RAPGEF2: variants seen among roughly 807,000 people sequenced by gnomAD.
RAPGEF2 encodes PDZ domain containing guanine nucleotide exchange factor (GEF) 1.
Under a neutral mutation model 186.7 loss-of-function variants are expected in RAPGEF2, and 54 were observed. The observed-to-expected ratio is 0.29, with a 90% confidence interval of 0.23 to 0.36. RAPGEF2 has a LOEUF of 0.36. Ranked by LOEUF, RAPGEF2 falls within the 10% of genes least tolerant of loss-of-function variation. The pLI is 1.00. For synonymous variants in RAPGEF2, 712 were observed against 705.9 expected, an observed-to-expected ratio of 1.01 and a Z score of -0.14; for missense variants, 1,532 against 2,045.0, an observed-to-expected ratio of 0.75 and a Z score of 4.84.
At chr4:159,211,864 T>TAC (rs1750566209) in intron 4 of RAPGEF2, among the ~76,000 whole-genome samples, 1 of 152,178 alleles carries the variant, frequency 6.6e-6, no homozygotes, top group South Asian at 2.1e-4. Flanking sequence ...GTTTCTGTAG[T>TAC]AGCAATAGTC....
At chr4:159,121,759 G>A (rs983303577) in intron 1 of RAPGEF2, among the ~76,000 whole-genome samples, 1 of 151,860 alleles carries the variant, frequency 6.6e-6, no homozygotes, top group African/African-American at 2.4e-5. Context: ...AGCCGGGCTC[G>A]GTGGCTCATG....
At chr4:159,117,115 T>TAGA (rs1394348372) in intron 1 of RAPGEF2, among the ~76,000 whole-genome samples, 1 of 152,236 alleles carries the variant, frequency 6.6e-6, no homozygotes, top group Non-Finnish European at 1.5e-5. Context: ...TCTAAATGAC[T>TAGA]AGAAATGAGT....
chr4:159,355,746 A>G, intron 28 of RAPGEF2, 107 bp from the exon 29 acceptor site: 1 of 1,089,276 alleles, frequency 9.2e-7, no homozygotes, highest in South Asian at 1.6e-5. Flanking sequence ...GCAAATGCAC[A>G]TCTGCTGCTA....
chr4:159,349,955 A>T (rs1376441583), intron 25 of RAPGEF2, among the ~76,000 whole-genome samples, 182 bp from the exon 26 acceptor site: 1 of 152,116 alleles, frequency 6.6e-6, no homozygotes, highest in Non-Finnish European at 1.5e-5. Flanking sequence ...CGGGTATCTC[A>T]TGACTTCTGT....
At chr4:159,178,401 A>G (rs1746662563) in intron 1 of RAPGEF2, among the ~76,000 whole-genome samples, 1 of 152,144 alleles carries the variant, frequency 6.6e-6, no homozygotes, top group Admixed American at 6.5e-5. Context: ...TGATGCTGCA[A>G]ACAAATGAAA....
intron 7 of RAPGEF2, among the ~76,000 whole-genome samples, chr4:159,301,233 G>A (rs1579839454): frequency 6.6e-6 from 1 of 152,042 alleles, no homozygotes; most frequent in East Asian, 1.9e-4. Flanking sequence ...ATTAGCCGGG[G>A]TCGTGGGCGC....
At chr4:159,145,479 T>G (rs1742853289) in intron 1 of RAPGEF2, among the ~76,000 whole-genome samples, 1 of 152,118 alleles carries the variant, frequency 6.6e-6, no homozygotes, top group African/African-American at 2.4e-5. Context: ...CCAAAAACAT[T>G]GCCAAAACAT....
At chr4:159,249,285 CTTT>C (rs34205767) in intron 7 of RAPGEF2, among the ~76,000 whole-genome samples, 25 of 123,236 alleles carry the variant, frequency 2.0e-4, no homozygotes, top group Admixed American at 4.1e-4. Context: ...AAAAAAGTCT[CTTT>C]TTTTTTTTTT....
chr4:159,345,230 G>T lies in RAPGEF2; in HGVS notation c.3403G>T (p.Ala1135Ser). The change falls in exon 24 of 30, where the codon GCT becomes TCT. Residue 1135 changes from alanine to serine, a missense_variant. Physicochemically the swap from Ala to Ser is moderately conservative, Grantham distance 99. This residue lies in a region of RAPGEF2 where 117 missense variants were observed against 180.8 expected (regional missense o/e 0.65). Transcript: ENST00000691494. ...AKKLYEDAQM[A>S]RKVKQYLSNL... ...AAAGCTTTATGAAGATGCCCAAATGGCTCGAAAAGTGAAGCAGTACCTTTC... is the reference window on the plus strand; with the variant it reads ...AAAGCTTTATGAAGATGCCCAAATGTCTCGAAAAGTGAAGCAGTACCTTTC... 6.2e-7 allele frequency: 1 copy of T among 1,614,160 alleles called. No individual in the cohort carries two copies. Among genetic ancestry groups the T allele is most frequent in the South Asian group, 1.1e-5 (1 of 91,076 alleles).
At chr4:159,123,990 G>T (rs1211893491) in intron 1 of RAPGEF2, among the ~76,000 whole-genome samples, 5 of 151,916 alleles carry the variant, frequency 3.3e-5, no homozygotes, top group Non-Finnish European at 7.4e-5. Flanking sequence ...CAGGTTGCTG[G>T]AATTACAGGC....
intron 3 of RAPGEF2, among the ~76,000 whole-genome samples, chr4:159,198,797 G>A (rs553193626): frequency 6.6e-6 from 1 of 152,008 alleles, no homozygotes; most frequent in Admixed American, 6.6e-5. Context: ...GTATTTTTCT[G>A]TCCTAATTTT....
intron 1 of RAPGEF2, among the ~76,000 whole-genome samples, chr4:159,129,125 G>A (rs1182456405): frequency 6.6e-6 from 1 of 151,640 alleles, no homozygotes; most frequent in East Asian, 2.0e-4. Flanking sequence ...GCAGAAACTT[G>A]CATAGAAATG....
chr4:159,151,544 A>G (rs1743530906), intron 1 of RAPGEF2, among the ~76,000 whole-genome samples: 2 of 152,246 alleles, frequency 1.3e-5, no homozygotes, highest in Admixed American at 6.5e-5. Flanking sequence ...TGGTCTGTGG[A>G]CAATGAATCG....
intron 7 of RAPGEF2, among the ~76,000 whole-genome samples, chr4:159,264,960 A>G (rs1365734972): frequency 6.6e-6 from 1 of 152,214 alleles, no homozygotes; most frequent in Non-Finnish European, 1.5e-5. Context: ...AATAATGCAT[A>G]TACCACACTT....
intron 1 of RAPGEF2, among the ~76,000 whole-genome samples, chr4:159,105,072 C>A (rs1339456832): frequency 6.6e-6 from 1 of 152,144 alleles, no homozygotes; most frequent in African/African-American, 2.4e-5. Context: ...TTACTTATAG[C>A]GGCTGATAGG....
intron 7 of RAPGEF2, among the ~76,000 whole-genome samples, chr4:159,251,902 C>T (rs540363426): frequency 2.0e-5 from 3 of 151,896 alleles, no homozygotes; most frequent in Admixed American, 6.5e-5. Flanking sequence ...AATTTTGCTG[C>T]GGCTCACGCT....
chr4:159,339,382 C>A lies in RAPGEF2; in HGVS notation c.2534+28C>A, dbSNP rs199851702. 610 of 1,594,346 alleles carry A rather than the reference C, an allele frequency of 3.8e-4. 9 individuals carry two copies. In the South Asian group the frequency reaches 6.0e-3, roughly 16 times the overall value. ...ATATATTATCTACCTTACTGGATTT[C>A]TTTGTCCCCTCTTCGAACCCACATC... On this transcript the variant is annotated intron_variant, in intron 19 of 29. Coordinates refer to ENST00000691494, the MANE Select transcript of RAPGEF2 (RefSeq NM_001394067.2).
chr4:159,186,686 A>C lies in RAPGEF2; in HGVS notation c.114A>C (p.Leu38Phe). ...CCTATTTACATGGTATGGAAGCCTT[A>C]TCAAACTTGAGGGAGCATCAACTTA... ...VYSYLHGMEA[L>F]SNLREHQLRL... The change falls in exon 2 of 30, where the codon TTA (leucine) becomes TTC (phenylalanine). Residue 38 changes from leucine (L) to phenylalanine (F), a missense_variant. Around this residue, in one of 4 missense-constraint regions of RAPGEF2, gnomAD observed 810 missense variants for 1,210.5 expected, o/e 0.67. Transcript: ENST00000691494. 2 of 1,477,406 alleles carry C rather than the reference A, an allele frequency of 1.4e-6. No homozygotes were observed. The highest frequency in any genetic ancestry group is 1.8e-6 in the Non-Finnish European group (2 of 1,101,814). 91.5% of individuals were successfully genotyped at this position (1,477,406 alleles called of 1,614,324 possible).
chr4:159,244,340 CTTTATT>C (rs1754361110), intron 7 of RAPGEF2, among the ~76,000 whole-genome samples: 1 of 151,786 alleles, frequency 6.6e-6, no homozygotes, highest in Non-Finnish European at 1.5e-5. Context: ...CTTATTTGCA[CTTTATT>C]TTTAACAAGG....
Sources: allele counts gnomAD v4.1 joint callset (sites outside exome capture counted in the v4.1 genomes callset), GRCh38; gene constraint gnomAD v4.1.1; regional missense constraint gnomAD v4.1.1; transcripts MANE v1.5; gene names NCBI Gene and HGNC (gene_info 2026-07-23, HGNC 2026-07-21).